Variants in POLI observed in about 807,000 individuals in gnomAD.
POLI encodes DNA polymerase iota.
Under a neutral mutation model 51.6 loss-of-function variants are expected in POLI, and 58 were observed. The ratio of observed to expected loss-of-function variants is 1.12; its 90% CI spans 0.91 to 1.40. POLI has a LOEUF of 1.40. Among genes scored for constraint, POLI ranks in the 40% most tolerant of loss-of-function variants. The pLI is 0.00. For synonymous variants in POLI, 322 were observed against 299.7 expected (o/e 1.07, Z -0.77); for missense variants, 921 against 871.3 (o/e 1.06, Z -0.72).
intron 8 of POLI, chr18:54,291,333 G>T (rs2088002589): frequency 6.6e-6 from 1 of 152,376 alleles, no homozygotes; most frequent in African/African-American, 2.4e-5. Flanking sequence ...ACTGCTGAGT[G>T]TGGGCTTTTG....
At chr18:54,282,176 T>C (rs546714317) in intron 5 of POLI, among the ~76,000 whole-genome samples, 1 of 152,306 alleles carries the variant, frequency 6.6e-6, no homozygotes, top group South Asian at 2.1e-4. Flanking sequence ...ATTGCTCTAG[T>C]GGCAGCCTTT....
At chr18:54,271,180 G>A (rs2144426877) in intron 1 of POLI, 180 bp from the exon 2 acceptor site, 2 of 498,108 alleles carry the variant, frequency 4.0e-6, no homozygotes, top group Middle Eastern at 2.9e-4. Context: ...GAGGACTGAA[G>A]ACCCTACCCT....
At chr18:54,271,288 T>G in intron 1 of POLI, 72 bp from the exon 2 acceptor site, 2 of 1,352,416 alleles carry the variant, frequency 1.5e-6, no homozygotes, top group Non-Finnish European at 1.0e-6. Flanking sequence ...GTACCATGTT[T>G]TAAGGAACTG....
intron 4 of POLI, among the ~76,000 whole-genome samples, chr18:54,278,208 T>G (rs1270152437): frequency 2.0e-5 from 3 of 152,080 alleles, no homozygotes; most frequent in African/African-American, 7.2e-5. Context: ...GCCCCTGTAG[T>G]CCCAGCTGTT....
intron 1 of POLI, chr18:54,269,972 G>C (rs550651812): frequency 1.8e-6 from 2 of 1,131,948 alleles, no homozygotes; most frequent in East Asian, 9.6e-5. Context: ...GAAAACTGCA[G>C]AGGCTTCTGG....
intron 2 of POLI, among the ~76,000 whole-genome samples, chr18:54,272,490 G>C (rs1227079226): frequency 6.6e-6 from 1 of 152,046 alleles, no homozygotes. Flanking sequence ...TGTTGTTGTT[G>C]AGAAGGGGTC....
At chr18:54,281,142 G>A (rs1210333237) in intron 5 of POLI, among the ~76,000 whole-genome samples, 1 of 152,072 alleles carries the variant, frequency 6.6e-6, no homozygotes, top group African/African-American at 2.4e-5. Context: ...ACTTTTGTAT[G>A]GTTAGAATAT....
intron 3 of POLI, among the ~76,000 whole-genome samples, chr18:54,305,656 T>A (rs1190028219): frequency 9.5e-6 from 1 of 105,164 alleles, no homozygotes; most frequent in Admixed American, 9.3e-5. Context: ...AAGGAGGTTT[T>A]GGGCTGAGAC....
intron 8 of POLI, among the ~76,000 whole-genome samples, chr18:54,289,035 A>C (rs1198113082): frequency 6.6e-6 from 1 of 152,136 alleles, no homozygotes; most frequent in Non-Finnish European, 1.5e-5. Context: ...TTGAAAACTG[A>C]ACCTCATAGA....
chr18:54,292,125 T>C (rs964267868), intron 9 of POLI, 87 bp downstream of exon 9: 1 of 801,372 alleles, frequency 1.2e-6, no homozygotes, highest in Admixed American at 2.4e-5. Context: ...GCTTGTCTTT[T>C]TGATATAGTT....
chr18:54,290,614 C>T (rs964414750), intron 8 of POLI, among the ~76,000 whole-genome samples: 3 of 152,028 alleles, frequency 2.0e-5, no homozygotes, highest in South Asian at 2.1e-4. Flanking sequence ...ATAAAGAAAA[C>T]GTGTCACATA....
intron 3 of POLI, among the ~76,000 whole-genome samples, chr18:54,314,348 T>C (rs906245618): frequency 1.3e-5 from 2 of 152,218 alleles, no homozygotes; most frequent in Admixed American, 1.3e-4. Context: ...AATTAACTTT[T>C]TGATGTTCTG....
chr18:54,289,619 G>C (rs3730794), intron 8 of POLI, among the ~76,000 whole-genome samples: 21,117 of 124,668 alleles, frequency 0.17, 2,411 homozygotes, highest in Non-Finnish European at 0.21. Flanking sequence ...GGTACTGGCA[G>C]AAAAACAGAG....
At chr18:54,299,040 C>G (rs184976012), downstream of POLI, among the ~76,000 whole-genome samples, 15 of 152,268 alleles carry the variant, frequency 9.9e-5, no homozygotes, top group East Asian at 2.9e-3. Flanking sequence ...ACATTTAATA[C>G]ATCTATGAAA....
chr18:54,300,359 T>G (rs2088470382), downstream of POLI, among the ~76,000 whole-genome samples: 2 of 152,134 alleles, frequency 1.3e-5, no homozygotes. Flanking sequence ...TGTAAGGCCC[T>G]TAAACTAAAC....
Position 54,312,061 on chromosome 18 carries a change from G to A in POLI, c.334-8212G>A, listed in dbSNP as rs555295074. ...AATGAATCCATCACCCAGATAGTGA[G>A]CATAGTATCCAATAGATAGTTTTTC... On this transcript the variant is annotated intron_variant, in intron 3 of 4. Coordinates refer to the POLI transcript ENST00000579823. Among the ~76,000 whole-genome samples, 7 of 152,236 alleles carry A rather than the reference G, an allele frequency of 4.6e-5. No individual in the cohort carries two copies. The South Asian group carries it at 1.4e-3, about 32-fold the overall frequency.
chr18:54,282,387 G>T (rs2087541131), intron 5 of POLI, among the ~76,000 whole-genome samples: 1 of 152,046 alleles, frequency 6.6e-6, no homozygotes, highest in Admixed American at 6.6e-5. Context: ...TTGCAATGGG[G>T]TTTGATCTTT....
chr18:54,295,216 A>T lies in POLI; in HGVS notation c.*749A>T, dbSNP rs1329908260. ...GATGGGCCTATAAGCATACTGGATA[A>T]TGGAAGAAGTCCATTTCTTTCTAGC... On this transcript the variant is annotated 3_prime_UTR_variant, in exon 10 of 10. Transcript: ENST00000579534. 1 of 985,318 alleles carries T rather than the reference A, an allele frequency of 1.0e-6. No individual in the cohort carries two copies. The highest frequency in any genetic ancestry group is 1.7e-5 in the African/African-American group (1 of 57,244). 61.0% of individuals were successfully genotyped at this position (985,318 alleles called of 1,614,324 possible).
intron 2 of POLI, 50 bp from the exon 3 acceptor site, chr18:54,273,876 A>T: frequency 1.0e-6 from 1 of 988,906 alleles, no homozygotes; most frequent in Non-Finnish European, 1.4e-6. Flanking sequence ...TAATATCTTT[A>T]AATGTTTTCT....
Sources: gnomAD v4.1 joint callset for allele counts (sites outside exome capture counted in the v4.1 genomes callset) on GRCh38, gnomAD v4.1.1 for gene constraint, MANE v1.5 for transcripts, NCBI Gene and HGNC (gene_info 2026-07-23, HGNC 2026-07-21) for gene names.